Variants in FHIP1A observed in about 807,000 individuals in gnomAD.
The protein encoded by FHIP1A is FHF complex subunit HOOK-interacting protein 1A.
Under a neutral mutation model 88.6 loss-of-function variants are expected in FHIP1A, and 61 were observed. The ratio of observed to expected loss-of-function variants is 0.69; its 90% CI spans 0.56 to 0.85. The LOEUF is 0.85. FHIP1A is among the 40% of genes least tolerant of loss of function. FHIP1A has a pLI of 0.00. For missense variants in FHIP1A, 1,154 were observed against 1,273.5 expected (o/e 0.91, Z 1.43); for synonymous variants, 478 against 496.0 (o/e 0.96, Z 0.48).
chr4:151,651,187 A>G (rs1220484987), intron 11 of FHIP1A, among the ~76,000 whole-genome samples: 2 of 152,242 alleles, frequency 1.3e-5, no homozygotes, highest in African/African-American at 4.8e-5. Context: ...ACCCACGTCA[A>G]CTAATAGCTC....
intron 8 of FHIP1A, among the ~76,000 whole-genome samples, chr4:151,634,750 A>G (rs1261588036): frequency 6.6e-6 from 1 of 151,900 alleles, no homozygotes; most frequent in East Asian, 1.9e-4. Flanking sequence ...AAAAAAATTA[A>G]CTCAAAATGT....
chr4:151,599,757 G>A (rs997514991), intron 7 of FHIP1A, among the ~76,000 whole-genome samples: 6 of 152,156 alleles, frequency 3.9e-5, no homozygotes, highest in African/African-American at 1.4e-4. Context: ...TTGGAAGTCT[G>A]CAAGGTGCAT....
chr4:151,542,088 T>C (rs1732316152), intron 3 of FHIP1A, among the ~76,000 whole-genome samples: 1 of 151,930 alleles, frequency 6.6e-6, no homozygotes, highest in Non-Finnish European at 1.5e-5. Context: ...AGAGGTTTTC[T>C]TTTTTTTCTT....
At chr4:151,497,903 T>C (rs911006135) in intron 3 of FHIP1A, among the ~76,000 whole-genome samples, 2 of 152,232 alleles carry the variant, frequency 1.3e-5, no homozygotes, top group African/African-American at 4.8e-5. Context: ...CAACTGTTGA[T>C]ACCTGATCAG....
At chr4:151,589,257 G>A (rs1734336206) in intron 7 of FHIP1A, among the ~76,000 whole-genome samples, 1 of 152,220 alleles carries the variant, frequency 6.6e-6, no homozygotes. Context: ...GGCTGAGTCT[G>A]TCATAGAGAA....
At chr4:151,451,221 C>T (rs1408885653) in intron 1 of FHIP1A, among the ~76,000 whole-genome samples, 1 of 151,920 alleles carries the variant, frequency 6.6e-6, no homozygotes, top group Non-Finnish European at 1.5e-5. Context: ...TTTAAATGCT[C>T]TTTTTAGGTT....
chr4:151,533,451 ATATT>A (rs1731957524), intron 3 of FHIP1A, among the ~76,000 whole-genome samples: 1 of 151,810 alleles, frequency 6.6e-6, no homozygotes, highest in South Asian at 2.1e-4. Context: ...AAAAAAGGAT[ATATT>A]TCCTTTGGCT....
intron 7 of FHIP1A, among the ~76,000 whole-genome samples, chr4:151,616,568 C>T (rs1735538869): frequency 6.7e-6 from 1 of 150,336 alleles, no homozygotes; most frequent in African/African-American, 2.5e-5. Flanking sequence ...CCTGCCTCAA[C>T]CTTCCGAGTA....
At chr4:151,660,166 T>C (rs1737398629) in intron 13 of FHIP1A, among the ~76,000 whole-genome samples, 1 of 152,190 alleles carries the variant, frequency 6.6e-6, no homozygotes, top group Non-Finnish European at 1.5e-5. Context: ...GGTGACACAC[T>C]GAAAGGCCAA....
intron 1 of FHIP1A, among the ~76,000 whole-genome samples, chr4:151,447,498 T>A (rs115917941): frequency 0.011 from 1,622 of 152,338 alleles, 9 homozygotes; most frequent in Non-Finnish European, 0.017. Context: ...CGAATCACCA[T>A]ACTTTTCCTG....
chr4:151,535,376 A>G (rs1349619463), intron 3 of FHIP1A, among the ~76,000 whole-genome samples: 1 of 152,226 alleles, frequency 6.6e-6, no homozygotes, highest in African/African-American at 2.4e-5. Context: ...TTTTCCTCCA[A>G]TAATTAAAAA....
At chr4:151,596,981 G>T (rs1444533056) in intron 7 of FHIP1A, among the ~76,000 whole-genome samples, 2 of 152,048 alleles carry the variant, frequency 1.3e-5, no homozygotes, top group African/African-American at 2.4e-5. Flanking sequence ...TGCTTCTTTA[G>T]CTTGGAGAAG....
intron 2 of FHIP1A, among the ~76,000 whole-genome samples, chr4:151,472,937 C>T (rs1233313969): frequency 6.6e-6 from 1 of 152,158 alleles, no homozygotes; most frequent in African/African-American, 2.4e-5. Context: ...TCCAAATCTG[C>T]TTGCTTACTT....
Position 151,654,330 on chromosome 4 carries a change from C to G in FHIP1A, c.2552-1902C>G, listed in dbSNP as rs185319304. Among the ~76,000 whole-genome samples, 14 of 152,118 alleles carry G rather than the reference C, an allele frequency of 9.2e-5. No individual in the cohort carries two copies. The East Asian group carries it at 2.7e-3, about 29-fold the overall frequency. ...GGATTCAAGCTCATGTGCCCCCCCA[C>G]CTCACCCCTTATAGTAGTGATGTCC... On this transcript the variant is annotated intron_variant, in intron 11 of 13. Coordinates refer to ENST00000435205, the MANE Select transcript of FHIP1A (RefSeq NM_001109977.3).
intron 7 of FHIP1A, among the ~76,000 whole-genome samples, chr4:151,614,082 G>A (rs1450386899): frequency 6.6e-6 from 1 of 151,710 alleles, no homozygotes; most frequent in African/African-American, 2.4e-5. Flanking sequence ...AGAATCACTT[G>A]AACGTAGGAG....
At chr4:151,612,023 A>G (rs865962125) in intron 7 of FHIP1A, among the ~76,000 whole-genome samples, 1 of 152,256 alleles carries the variant, frequency 6.6e-6, no homozygotes, top group African/African-American at 2.4e-5. Flanking sequence ...AGTACTAGAC[A>G]TAATTCCAGA....
chr4:151,608,069 G>A (rs1367886056), intron 7 of FHIP1A, among the ~76,000 whole-genome samples: 1 of 69,402 alleles, frequency 1.4e-5, no homozygotes, highest in Non-Finnish European at 2.9e-5. Context: ...TTTTGAGATG[G>A]CGTCTCACTC....
At chr4:151,427,661 G>A (rs1733435819) in intron 1 of FHIP1A, among the ~76,000 whole-genome samples, 1 of 151,960 alleles carries the variant, frequency 6.6e-6, no homozygotes, top group Admixed American at 6.6e-5. Flanking sequence ...CTAATTCTGA[G>A]AAGGACCAGG....
At chr4:151,513,785 G>A (rs1014687222) in intron 3 of FHIP1A, among the ~76,000 whole-genome samples, 1 of 151,268 alleles carries the variant, frequency 6.6e-6, no homozygotes, top group Non-Finnish European at 1.5e-5. Flanking sequence ...CAATACAGGA[G>A]CACCCAGATT....
Sources: gnomAD v4.1 joint callset for allele counts (sites outside exome capture counted in the v4.1 genomes callset) on GRCh38, gnomAD v4.1.1 for gene constraint, MANE v1.5 for transcripts, NCBI Gene and HGNC (gene_info 2026-07-23, HGNC 2026-07-21) for gene names.